Variants in PLCG2 observed in about 807,000 individuals in gnomAD.
PLCG2 encodes 1-phosphatidylinositol 4,5-bisphosphate phosphodiesterase gamma-2.
Under a neutral mutation model 175.6 loss-of-function variants are expected in PLCG2, and 69 were observed. The observed-to-expected ratio is 0.39, with a 90% CI of 0.32 to 0.48. The LOEUF (loss-of-function observed/expected upper bound fraction) is 0.48, where lower values mean the gene tolerates loss of function less well. Ranked by LOEUF, PLCG2 falls within the 20% of genes least tolerant of loss-of-function variation. The probability of loss-of-function intolerance (pLI) is 0.91; values close to 1 mark genes in which losing one functional copy is unlikely to be tolerated. For missense variants in PLCG2, 1,798 were observed against 1,650.9 expected, an observed-to-expected ratio of 1.09 and a Z score of -1.54; for synonymous variants, 827 against 624.0, an observed-to-expected ratio of 1.33 and a Z score of -4.85.
intron 13 of PLCG2, among the ~76,000 whole-genome samples, chr16:81,896,764 G>C (rs8062268): frequency 6.6e-6 from 1 of 152,136 alleles, no homozygotes. Flanking sequence ...CTGGGGCCAG[G>C]CTCTGTGCTA....
chr16:81,956,740 C>T lies in PLCG2; in HGVS notation c.3616C>T (p.Arg1206Trp). Residue 1206 changes from arginine (R) to tryptophan (W), a missense_variant, in exon 32 of 33, where the codon CGG (arginine) becomes TGG (tryptophan). By Grantham distance (101) the Arg-to-Trp change is moderately radical. Coordinates refer to ENST00000564138, the MANE Select transcript of PLCG2 (RefSeq NM_002661.5). The stretch of plus-strand genomic sequence containing the variant: ...CTCCTCCTGTCGCCAGCTGAGGAGG[C>T]GGCAAGAAGAACTGAACAACCAGCT... Reference protein sequence around the residue: ...LYSSCRQLRRRQEELNNQLFL... With the variant: ...LYSSCRQLRRWQEELNNQLFL... The T allele has an allele frequency of 1.2e-6, 2 of 1,614,062 alleles. No individual in the cohort carries two copies. Among genetic ancestry groups the T allele is most frequent in the South Asian group, 1.1e-5 (1 of 91,072 alleles).
chr16:81,801,040 A>G (rs1597325859), intron 2 of PLCG2, among the ~76,000 whole-genome samples: 1 of 152,146 alleles, frequency 6.6e-6, no homozygotes, highest in Non-Finnish European at 1.5e-5. Context: ...GTCTGGAGAA[A>G]GCTTGTCCCA....
intron 2 of PLCG2, among the ~76,000 whole-genome samples, chr16:81,818,368 C>G (rs1904645000): frequency 6.6e-6 from 1 of 152,226 alleles, no homozygotes; most frequent in Admixed American, 6.5e-5. Context: ...TTTAATGTCT[C>G]TCTTTCTCAG....
chr16:81,891,479 C>A lies in PLCG2; in HGVS notation c.875C>A (p.Thr292Lys). The A allele has an allele frequency of 6.4e-7, 1 of 1,572,496 alleles. No homozygotes were observed. The highest frequency in any genetic ancestry group is 8.8e-7 in the Non-Finnish European group (1 of 1,141,918). ...EPFLFVDEFL[T>K]YLFSRENSIW... ...CGTGTTTGACTCTTTTAGTTCCTCA[C>A]GTACCTGTTTTCACGAGAAAACAGC... is the stretch of plus-strand genomic sequence containing the variant. The change falls in exon 11 of 33, where the codon ACG (threonine) becomes AAG (lysine). Residue 292 changes from threonine to lysine, a missense_variant. By Grantham distance (78) the Thr-to-Lys change is moderately conservative. Coordinates refer to ENST00000564138, the MANE Select transcript of PLCG2 (RefSeq NM_002661.5).
intron 24 of PLCG2, 197 bp downstream of exon 24, chr16:81,928,821 C>T (rs1019523172): frequency 7.9e-6 from 4 of 505,548 alleles, no homozygotes; most frequent in African/African-American, 5.6e-5. Context: ...TCTACTAAAA[C>T]TGTAAGTGCT....
chr16:81,874,952 T>TTTTTTTTTTTTGTTC (rs1907699144), intron 7 of PLCG2, among the ~76,000 whole-genome samples: 1 of 111,878 alleles, frequency 8.9e-6, no homozygotes, highest in African/African-American at 3.4e-5. Context: ...CTATGTGTTT[T>TTTTTTTTTTTTGTTC]TTTTTTTTTT....
chr16:81,926,714 C>G (rs1597137078), intron 22 of PLCG2, among the ~76,000 whole-genome samples: 1 of 152,262 alleles, frequency 6.6e-6, no homozygotes, highest in African/African-American at 2.4e-5. Flanking sequence ...TTAATTCCAG[C>G]CTGTCTGCCT....
chr16:81,758,677 CTTTT>C (rs35302433), intron 2 of PLCG2, among the ~76,000 whole-genome samples: 1 of 144,020 alleles, frequency 6.9e-6, no homozygotes, highest in Non-Finnish European at 1.5e-5. Context: ...GTCCATCTCT[CTTTT>C]TTTTTTTTTT....
At chr16:81,852,707 T>G (rs1446680270) in intron 2 of PLCG2, among the ~76,000 whole-genome samples, 1 of 152,236 alleles carries the variant, frequency 6.6e-6, no homozygotes, top group Non-Finnish European at 1.5e-5. Flanking sequence ...GTTTAGTGGC[T>G]TAAGACAACA....
intron 7 of PLCG2, among the ~76,000 whole-genome samples, chr16:81,878,282 C>A (rs1428468398): frequency 6.6e-6 from 1 of 151,872 alleles, no homozygotes. Context: ...CCGTGCCCGG[C>A]CCAAATCTCC....
At chr16:81,763,532 C>T (rs565488371) in intron 2 of PLCG2, among the ~76,000 whole-genome samples, 156 of 152,320 alleles carry the variant, frequency 1.0e-3, no homozygotes, top group African/African-American at 3.6e-3. Flanking sequence ...TGAGGCTCCC[C>T]GGGCACCTCT....
At position 81,946,157 on chromosome 16, in the gene PLCG2, C is replaced by T. The variant is rs1797598788; in HGVS notation, c.3482-18C>T. 1.2e-6 allele frequency: 2 copies of T among 1,602,932 alleles called. No individual in the cohort carries two copies. Among genetic ancestry groups the T allele is most frequent in the Non-Finnish European group, 1.7e-6 (2 of 1,170,046 alleles). ...ATTAATTACCTGCCTTTGCATTTTC[C>T]TCCTTGTTCTGCTTCAGGATTCAGG... On this transcript the variant is annotated intron_variant, in intron 30 of 32. Transcript: ENST00000564138.
At chr16:81,840,636 C>T (rs1017321340) in intron 2 of PLCG2, among the ~76,000 whole-genome samples, 1 of 152,160 alleles carries the variant, frequency 6.6e-6, no homozygotes, top group Non-Finnish European at 1.5e-5. Flanking sequence ...AAGGTTTGTG[C>T]TGCCATGAGA....
intron 1 of PLCG2, chr16:81,739,880 G>T (rs1909546357): frequency 6.6e-6 from 1 of 152,420 alleles, no homozygotes. Context: ...GCACATGCCT[G>T]TAATCCCAGC....
chr16:81,942,375 TC>T (rs1910978505), intron 30 of PLCG2, among the ~76,000 whole-genome samples: 1 of 152,184 alleles, frequency 6.6e-6, no homozygotes, highest in African/African-American at 2.4e-5. Flanking sequence ...TGTGACCTTC[TC>T]CTCCCCCGAC....
intron 3 of PLCG2, among the ~76,000 whole-genome samples, chr16:81,855,529 A>T (rs982855376): frequency 6.6e-6 from 1 of 152,242 alleles, no homozygotes; most frequent in African/African-American, 2.4e-5. Context: ...TTCTTTTACT[A>T]CATGTCTTTT....
chr16:81,928,991 G>C (rs570614420), intron 24 of PLCG2, among the ~76,000 whole-genome samples: 4 of 152,338 alleles, frequency 2.6e-5, no homozygotes, highest in African/African-American at 7.2e-5. Context: ...GGAGTCTTGG[G>C]TTCTAAACCC....
At chr16:81,921,440 G>A in intron 21 of PLCG2, 171 bp downstream of exon 21, 1 of 664,472 alleles carries the variant, frequency 1.5e-6, no homozygotes. Context: ...ATCAAGCCTA[G>A]TTTCAGGGAA....
chr16:81,910,702 A>T lies in PLCG2; in HGVS notation c.1916A>T (p.Asn639Ile), dbSNP rs377753289. The T allele has an allele frequency of 2.5e-6, 4 of 1,608,102 alleles. No individual in the cohort carries two copies. The highest frequency in any genetic ancestry group is 2.7e-5 in the African/African-American group (2 of 74,560). Reference sequence around the variant, plus strand: ...CTCACGGACCCTGTGCCCAACCCCAACCCCCACGAGTCCAAGCCGTACGTG... The same window carrying T: ...CTCACGGACCCTGTGCCCAACCCCATCCCCCACGAGTCCAAGCCGTACGTG... Reference protein sequence around the residue: ...LRLTDPVPNPNPHESKPWYYD... With the variant: ...LRLTDPVPNPIPHESKPWYYD... The change falls in exon 18 of 33, where the codon AAC (asparagine) becomes ATC (isoleucine). Residue 639 changes from asparagine to isoleucine, a missense_variant. Physicochemically the swap from Asn to Ile is moderately radical, Grantham distance 149 (BLOSUM62 -3). Coordinates refer to ENST00000564138, the MANE Select transcript of PLCG2 (RefSeq NM_002661.5).
Sources: allele counts gnomAD v4.1 joint callset (sites outside exome capture counted in the v4.1 genomes callset), GRCh38; gene constraint gnomAD v4.1.1; transcripts MANE v1.5; gene names NCBI Gene and HGNC (gene_info 2026-07-23, HGNC 2026-07-21).